Variants in TMEM117 observed in about 807,000 individuals in gnomAD.
The protein encoded by TMEM117 is transmembrane protein 117.
In TMEM117, 27 loss-of-function variants were observed where a neutral mutation model predicts 52.4. The ratio of observed to expected loss-of-function variants is 0.51; its 90% confidence interval spans 0.38 to 0.71. The LOEUF is 0.71. Ranked by LOEUF, TMEM117 falls within the 30% of genes least tolerant of loss-of-function variation. The pLI, the probability that TMEM117 is intolerant of heterozygous loss-of-function variation, is 0.00. For synonymous variants in TMEM117, 215 were observed against 206.3 expected, an observed-to-expected ratio of 1.04 and a Z score of -0.36; for missense variants, 556 against 630.5, an observed-to-expected ratio of 0.88 and a Z score of 1.26.
chr12:44,204,232 A>G (rs977568194), intron 4 of TMEM117, among the ~76,000 whole-genome samples: 1 of 152,182 alleles, frequency 6.6e-6, no homozygotes, highest in Admixed American at 6.5e-5. Context: ...AGGATACAAA[A>G]TCAGTGTACA....
intron 5 of TMEM117, among the ~76,000 whole-genome samples, chr12:44,227,961 C>T (rs1047886184): frequency 1.3e-5 from 2 of 148,434 alleles, no homozygotes; most frequent in Middle Eastern, 3.4e-3. Flanking sequence ...AGCTGAAGAA[C>T]GTGAGATCCA....
the TMEM117 span, among the ~76,000 whole-genome samples, chr12:43,824,499 G>C: frequency 6.6e-6 from 1 of 152,202 alleles, no homozygotes; most frequent in African/African-American, 2.4e-5. Flanking sequence ...CTCTAGGAGA[G>C]GATAAAACCA....
At chr12:44,129,583 TC>T (rs1203221689) in intron 3 of TMEM117, among the ~76,000 whole-genome samples, 1 of 152,212 alleles carries the variant, frequency 6.6e-6, no homozygotes, top group African/African-American at 2.4e-5. Flanking sequence ...CGAGGTGACT[TC>T]CTGCCTCCCT....
Position 44,133,463 on chromosome 12 carries a change from G to A in TMEM117, c.411-10062G>A, listed in dbSNP as rs918380505. On this transcript the variant is annotated intron_variant, in intron 3 of 7. Transcript: ENST00000266534. ...GATGGGTCTGAAATGTTCACAAGAT[G>A]GGTGGAATTGTGGCTTTTCTTCTCT... Among the ~76,000 whole-genome samples the A allele has an allele frequency of 3.9e-5, 6 of 152,120 alleles. No homozygotes were observed. The South Asian group carries it at 6.2e-4, about 16-fold the overall frequency.
In TMEM117 at chr12:43,854,057, G is replaced by T. The variant is rs113182538; in HGVS notation, c.277+9129G>T. On this transcript the variant is annotated intron_variant, in intron 2 of 7. Coordinates refer to ENST00000266534, the MANE Select transcript of TMEM117 (RefSeq NM_032256.3). ...AGGCGTTGCAGTGAAAAGGTAGGTT[G>T]GGCCAAAATTCTTTGGTCTTTAAAT... Among the ~76,000 whole-genome samples, 630 of 152,188 alleles carry T rather than the reference G, an allele frequency of 4.1e-3. 6 individuals are homozygous for T. Among genetic ancestry groups the T allele is most frequent in the African/African-American group, 0.015 (607 of 41,496 alleles).
intron 4 of TMEM117, among the ~76,000 whole-genome samples, chr12:44,199,657 T>C (rs561382599): frequency 6.6e-6 from 1 of 152,298 alleles, no homozygotes; most frequent in African/African-American, 2.4e-5. Context: ...CCAGGATCTT[T>C]ATTGAAGTAT....
chr12:44,207,940 C>A (rs2138388347), intron 4 of TMEM117, among the ~76,000 whole-genome samples: 1 of 152,186 alleles, frequency 6.6e-6, no homozygotes, highest in Non-Finnish European at 1.5e-5. Context: ...TCCTCCATTG[C>A]TGAAAGGTGG....
intron 3 of TMEM117, among the ~76,000 whole-genome samples, chr12:43,990,362 C>T (rs1169129468): frequency 1.3e-5 from 2 of 152,072 alleles, no homozygotes; most frequent in East Asian, 3.9e-4. Flanking sequence ...TAAGGTAACT[C>T]CAGATTTCCT....
chr12:43,938,091 C>T (rs1325122424), intron 2 of TMEM117, among the ~76,000 whole-genome samples: 1 of 151,626 alleles, frequency 6.6e-6, no homozygotes, highest in East Asian at 1.9e-4. Flanking sequence ...AGGCAATGTG[C>T]AGGAACTGAC....
chr12:43,844,743 C>A lies in TMEM117; in HGVS notation c.92C>A (p.Ala31Glu). 1 of 1,614,072 alleles carries A rather than the reference C, an allele frequency of 6.2e-7. No homozygotes were observed. The highest frequency in any genetic ancestry group is 8.5e-7 in the Non-Finnish European group (1 of 1,180,018). ...ATCTTCTTTAACTTCTTAATATTTGCGGAGGACCCAGTTTCTCATAGCCAA... is the reference window on the plus strand; with the variant it reads ...ATCTTCTTTAACTTCTTAATATTTGAGGAGGACCCAGTTTCTCATAGCCAA... ...LVIFFNFLIF[A>E]EDPVSHSQTE... The change falls in exon 2 of 8, where the codon GCG becomes GAG. Residue 31 changes from alanine to glutamate, a missense_variant. Ala to Glu is a moderately radical substitution (Grantham distance 107). Coordinates refer to ENST00000266534, the MANE Select transcript of TMEM117 (RefSeq NM_032256.3).
chr12:44,139,176 GATCCAT>G (rs1218654974), intron 3 of TMEM117, among the ~76,000 whole-genome samples: 2 of 152,180 alleles, frequency 1.3e-5, no homozygotes, highest in East Asian at 3.9e-4. Context: ...GTGAAGTATG[GATCCAT>G]ATTGGTTTGG....
the TMEM117 span, among the ~76,000 whole-genome samples, chr12:44,395,730 G>T: frequency 1.3e-5 from 2 of 152,156 alleles, no homozygotes; most frequent in Non-Finnish European, 2.9e-5. Context: ...AGCATATTCA[G>T]CAGGCTGGTG....
chr12:43,881,102 C>A (rs1395757756), intron 2 of TMEM117, among the ~76,000 whole-genome samples: 1 of 152,156 alleles, frequency 6.6e-6, no homozygotes, highest in Non-Finnish European at 1.5e-5. Flanking sequence ...ATTCACTGTT[C>A]ATCTTATGTA....
intron 3 of TMEM117, among the ~76,000 whole-genome samples, chr12:44,131,546 T>C (rs927247471): frequency 6.6e-6 from 1 of 152,154 alleles, no homozygotes; most frequent in African/African-American, 2.4e-5. Flanking sequence ...TTACTAGTTT[T>C]TGTCTGCTTG....
chr12:44,097,433 C>G (rs897433581), intron 3 of TMEM117, among the ~76,000 whole-genome samples: 2 of 151,966 alleles, frequency 1.3e-5, no homozygotes, highest in Non-Finnish European at 2.9e-5. Context: ...TATTGCGGCA[C>G]TATTCACAAT....
At chr12:44,038,460 T>C (rs59110659) in intron 3 of TMEM117, among the ~76,000 whole-genome samples, 8,870 of 152,212 alleles carry the variant, frequency 0.058, 391 homozygotes, top group African/African-American at 0.12. Context: ...CCACAGCCAG[T>C]GTGCATGGCT....
intron 5 of TMEM117, among the ~76,000 whole-genome samples, chr12:44,247,086 A>T (rs1950139909): frequency 6.6e-6 from 1 of 152,222 alleles, no homozygotes; most frequent in African/African-American, 2.4e-5. Context: ...TATGTCAGGC[A>T]ATCTTCAGCC....
intron 5 of TMEM117, among the ~76,000 whole-genome samples, chr12:44,261,693 T>C (rs1950322407): frequency 6.6e-6 from 1 of 152,302 alleles, no homozygotes. Flanking sequence ...TATTATGACA[T>C]TTCGCTTATA....
chr12:43,969,535 T>A (rs1387971001), intron 3 of TMEM117, among the ~76,000 whole-genome samples: 15 of 150,014 alleles, frequency 1.0e-4, no homozygotes, highest in South Asian at 4.3e-4. Flanking sequence ...AAAATAATAA[T>A]AATAATTTAA....
Sources: allele counts gnomAD v4.1 joint callset (sites outside exome capture counted in the v4.1 genomes callset), GRCh38; gene constraint gnomAD v4.1.1; transcripts MANE v1.5; gene names NCBI Gene and HGNC (gene_info 2026-07-23, HGNC 2026-07-21).